Variants in MAP10 observed in about 807,000 individuals in gnomAD.
The protein encoded by MAP10 is microtubule associated protein 10.
MAP10 carries 10 observed loss-of-function variants against 6.3 expected under a neutral mutation model. The observed-to-expected ratio is 1.58, with a 90% CI of 0.98 to 2.69. MAP10 has a LOEUF of 2.69. Among genes scored for constraint, MAP10 ranks in the 30% most tolerant of loss-of-function variants. The pLI, the probability that MAP10 is intolerant of heterozygous loss-of-function variation, is 0.00. For missense variants in MAP10, 1,189 were observed against 1,086.5 expected (o/e 1.09, Z -1.33); for synonymous variants, 459 against 429.3 (o/e 1.07, Z -0.86).
chr1:232,805,781 C>G lies in MAP10; in HGVS notation c.332C>G (p.Thr111Ser), dbSNP rs754289516. The change falls in exon 1 of 1, where the codon ACC (threonine) becomes AGC (serine). Residue 111 changes from threonine (T) to serine (S), a missense_variant. By Grantham distance (58) the Thr-to-Ser change is moderately conservative. Coordinates refer to ENST00000418460, the MANE Select transcript of MAP10 (RefSeq NM_019090.3). ...PATLHCRLLR[T>S]PLATLLLQLP... ...ACCCTGCACTGCCGGCTCCTGCGGA[C>G]CCCGCTTGCCACCTTGCTGCTGCAG... 1 of 1,598,906 alleles carries G rather than the reference C, an allele frequency of 6.3e-7. No individual in the cohort carries two copies. The highest frequency in any genetic ancestry group is 8.5e-7 in the Non-Finnish European group (1 of 1,173,586).
the MAP10 span, chr1:232,806,026 G>T: frequency 3.7e-6 from 6 of 1,613,804 alleles, no homozygotes; most frequent in African/African-American, 1.3e-5. Flanking sequence ...GAGCCAACTT[G>T]AGCGGCCCCT....
chr1:232,806,954 C>T lies in MAP10; in HGVS notation c.1505C>T (p.Thr502Ile), dbSNP rs778862825. The T allele has an allele frequency of 2.5e-6, 4 of 1,612,212 alleles. No individual in the cohort carries two copies. The highest frequency in any genetic ancestry group is 3.4e-6 in the Non-Finnish European group (4 of 1,179,502). The change falls in exon 1 of 1, where the codon ACA becomes ATA. Residue 502 changes from threonine (T) to isoleucine (I), a missense_variant. Transcript: ENST00000418460. Reference sequence around the variant, plus strand: ...AGGCTACTTTATGGCTTAACAAATACACTAAGACTACGTTTAAAGCTGACA... The same window carrying T: ...AGGCTACTTTATGGCTTAACAAATATACTAAGACTACGTTTAAAGCTGACA... ...KGRLLYGLTN[T>I]LRLRLKLTNP...
Position 232,808,030 on chromosome 1 carries a change from G to C in MAP10, c.2581G>C (p.Glu861Gln). 6.2e-7 allele frequency: 1 copy of C among 1,613,294 alleles called. No homozygotes were observed. Among genetic ancestry groups the C allele is most frequent in the South Asian group, 1.1e-5 (1 of 90,996 alleles). Residue 861 changes from glutamate to glutamine, a missense_variant, in exon 1 of 1, where the codon GAA (glutamate) becomes CAA (glutamine). Glu to Gln is a conservative substitution (Grantham distance 29). Coordinates refer to ENST00000418460, the MANE Select transcript of MAP10 (RefSeq NM_019090.3). ...VSSYLPSNVS[E>Q]LNVLDSSTSD... The stretch of plus-strand genomic sequence containing the variant: ...TTCTTACCTGCCTTCAAATGTGTCC[G>C]AACTTAATGTCCTGGATAGCAGTAC...
At position 232,806,253 on chromosome 1, in the gene MAP10, T is replaced by C; in HGVS notation, c.804T>C (p.Asn268=). The C allele has an allele frequency of 6.2e-7, 1 of 1,613,940 alleles. No homozygotes were observed. The highest frequency in any genetic ancestry group is 8.5e-7 in the Non-Finnish European group (1 of 1,179,882). The change falls in exon 1 of 1, where the codon AAT becomes AAC. Residue 268 remains asparagine, a synonymous_variant. Coordinates refer to ENST00000418460, the MANE Select transcript of MAP10 (RefSeq NM_019090.3). The part of the protein sequence containing the change: ...NVGSVENGKT[N]SVVTCSGAGN... ...GTTCTGTGGAGAATGGCAAAACCAATTCTGTTGTTACATGTTCAGGTGCTG... is the reference window on the plus strand; with the variant it reads ...GTTCTGTGGAGAATGGCAAAACCAACTCTGTTGTTACATGTTCAGGTGCTG...
chr1:232,807,809 G>C lies in MAP10; in HGVS notation c.2360G>C (p.Ser787Thr). Residue 787 changes from serine (S) to threonine (T), a missense_variant, in exon 1 of 1, where the codon AGT (serine) becomes ACT (threonine). Ser to Thr is a moderately conservative substitution (Grantham distance 58). Coordinates refer to ENST00000418460, the MANE Select transcript of MAP10 (RefSeq NM_019090.3). ...CATATTTCAAAGACTCAGGATAAAA[G>C]TTTGGAGGAAGCATCTAGTATCTCT... ...KFHISKTQDK[S>T]LEEASSISAS... The C allele has an allele frequency of 6.2e-7, 1 of 1,613,464 alleles. No individual in the cohort carries two copies. Among genetic ancestry groups the C allele is most frequent in the Non-Finnish European group, 8.5e-7 (1 of 1,179,740 alleles).
rs894418958 is a variant in MAP10 at position 232,806,729 on chromosome 1, A to G, written c.1280A>G (p.Tyr427Cys). 8.7e-6 allele frequency: 14 copies of G among 1,613,772 alleles called. No homozygotes were observed. The highest frequency in any genetic ancestry group is 1.7e-5 in the Admixed American group (1 of 60,010). Residue 427 changes from tyrosine to cysteine, a missense_variant, in exon 1 of 1, where the codon TAT becomes TGT. By Grantham distance (194) the Tyr-to-Cys change is radical. Transcript: ENST00000418460. ...AHIHPHLAWL[Y>C]RTEDKKSPES... ...ATACATCCTCACCTAGCCTGGTTAT[A>G]TAGGACTGAGGATAAGAAGTCACCC... is the stretch of plus-strand genomic sequence containing the variant.
At position 232,808,477 on chromosome 1, in the gene MAP10, AAAG is replaced by A. The variant is rs1214293145; in HGVS notation, c.*314_*316del. Reference sequence around the variant, plus strand: ...AGCTGACTTCATGCACACCACTGAAAAAGAAGGCTAGTTAGTAAGGACAGCCTC... The same window carrying A: ...AGCTGACTTCATGCACACCACTGAAAAAGGCTAGTTAGTAAGGACAGCCTC... On this transcript the variant is annotated 3_prime_UTR_variant, in exon 1 of 1. Coordinates refer to ENST00000418460, the MANE Select transcript of MAP10 (RefSeq NM_019090.3). 5.3e-6 allele frequency: 1 copy of A among 187,626 alleles called. No homozygotes were observed. The highest frequency in any genetic ancestry group is 1.1e-5 in the Non-Finnish European group (1 of 89,694). The allele number at this position is 187,626 out of a possible 1,614,324, so 11.6% of individuals were successfully genotyped here. A position where few individuals can be genotyped will look rare whatever the true frequency, so the allele number is the denominator to read the frequency against.
rs751312815 is a variant in MAP10 at position 232,807,205 on chromosome 1, C to G, written c.1756C>G (p.Pro586Ala). Residue 586 changes from proline (P) to alanine (A), a missense_variant, in exon 1 of 1, where the codon CCC (proline) becomes GCC (alanine). Pro to Ala is a conservative substitution (Grantham distance 27). Coordinates refer to ENST00000418460, the MANE Select transcript of MAP10 (RefSeq NM_019090.3). ...SRQISGVFDE[P>A]STSKETKLKY... is the part of the protein sequence containing the mutation. The stretch of plus-strand genomic sequence containing the variant: ...ACAAATCAGTGGAGTTTTTGATGAG[C>G]CCAGCACAAGTAAAGAAACTAAACT... The G allele has an allele frequency of 6.2e-7, 1 of 1,613,402 alleles. No individual in the cohort carries two copies. Among genetic ancestry groups the G allele is most frequent in the Admixed American group, 1.7e-5 (1 of 59,960 alleles).
chr1:232,805,668 C>T lies in MAP10; in HGVS notation c.219C>T (p.Asp73=). 2 of 1,598,028 alleles carry T rather than the reference C, an allele frequency of 1.3e-6. No individual in the cohort carries two copies. Among genetic ancestry groups the T allele is most frequent in the Non-Finnish European group, 8.5e-7 (1 of 1,176,134 alleles). The change falls in exon 1 of 1, where the codon GAC becomes GAT. Residue 73 remains aspartate, a synonymous_variant. Coordinates refer to ENST00000418460, the MANE Select transcript of MAP10 (RefSeq NM_019090.3). The part of the protein sequence containing the change: ...DFPTLLVYPP[D]GPGAPAAEPW... ...CCACGCTGTTGGTTTACCCTCCTGA[C>T]GGCCCCGGCGCTCCCGCCGCCGAAC...
chr1:232,807,865 G>A lies in MAP10; in HGVS notation c.2416G>A (p.Glu806Lys), dbSNP rs1448176889. ...TGATTTATCTTCAACACATTGGACT[G>A]AACAAAAAGAAAACCAGATAGATCA... is the stretch of plus-strand genomic sequence containing the variant. ...ASDLSSTHWT[E>K]QKENQIDQNS... Residue 806 changes from glutamate (E) to lysine (K), a missense_variant, in exon 1 of 1, where the codon GAA (glutamate) becomes AAA (lysine). Transcript: ENST00000418460. 1 of 1,613,300 alleles carries A rather than the reference G, an allele frequency of 6.2e-7. No individual in the cohort carries two copies. Among genetic ancestry groups the A allele is most frequent in the Non-Finnish European group, 8.5e-7 (1 of 1,179,710 alleles).
In MAP10 at chr1:232,808,234, G is replaced by A; in HGVS notation, c.*67G>A. On this transcript the variant is annotated 3_prime_UTR_variant, in exon 1 of 1. Transcript: ENST00000418460. Reference sequence around the variant, plus strand: ...TGTTAGTGAAAAAAATTTTAAAGCTGTTTTAGTTCATGAATTATGTGAATA... The same window carrying A: ...TGTTAGTGAAAAAAATTTTAAAGCTATTTTAGTTCATGAATTATGTGAATA... 1.0e-6 allele frequency: 1 copy of A among 961,720 alleles called. No individual in the cohort carries two copies. Among genetic ancestry groups the A allele is most frequent in the South Asian group, 3.1e-5 (1 of 32,074 alleles). 59.6% of individuals were successfully genotyped at this position (961,720 alleles called of 1,614,324 possible). A position where few individuals can be genotyped will look rare whatever the true frequency, so the allele number is the denominator to read the frequency against.
In MAP10 at chr1:232,806,833, A is replaced by G. The variant is rs1238249957; in HGVS notation, c.1384A>G (p.Ser462Gly). The change falls in exon 1 of 1, where the codon AGT (serine) becomes GGT (glycine). Residue 462 changes from serine (S) to glycine (G), a missense_variant. Ser to Gly is a moderately conservative substitution (Grantham distance 56, BLOSUM62 0). Coordinates refer to ENST00000418460, the MANE Select transcript of MAP10 (RefSeq NM_019090.3). ...RSVGGCEKSV[S>G]LQYKKNQIEN... is the part of the protein sequence containing the mutation. ...TGTGGGGGGATGTGAAAAGTCAGTG[A>G]GTCTTCAGTATAAAAAGAACCAAAT... 6.2e-7 allele frequency: 1 copy of G among 1,613,336 alleles called. No individual in the cohort carries two copies. The highest frequency in any genetic ancestry group is 8.5e-7 in the Non-Finnish European group (1 of 1,179,702).
chr1:232,806,098 C>T, the MAP10 span: 2 of 1,613,960 alleles, frequency 1.2e-6, no homozygotes, highest in Non-Finnish European at 1.7e-6. Context: ...GGAAAGACAG[C>T]AGCTGCAGCA....
rs754174119 is a variant in MAP10 at position 232,807,858 on chromosome 1, T to C, written c.2409T>C (p.His803=). The change falls in exon 1 of 1, where the codon CAT becomes CAC. Residue 803 remains histidine (H), a synonymous_variant. Coordinates refer to ENST00000418460, the MANE Select transcript of MAP10 (RefSeq NM_019090.3). ...CTGCTAGTGATTTATCTTCAACACA[T>C]TGGACTGAACAAAAAGAAAACCAGA... ...SISASDLSST[H]WTEQKENQID... is the part of the protein sequence containing the mutation. The C allele has an allele frequency of 2.5e-6, 4 of 1,613,404 alleles. No individual in the cohort carries two copies.
In MAP10 at chr1:232,808,188, C is replaced by T; in HGVS notation, c.*21C>T. 1 of 1,491,600 alleles carries T rather than the reference C, an allele frequency of 6.7e-7. No homozygotes were observed. The highest frequency in any genetic ancestry group is 9.0e-7 in the Non-Finnish European group (1 of 1,113,022). The allele number at this position is 1,491,600 out of a possible 1,614,324, so 92.4% of individuals were successfully genotyped here. ...TGTAAAAATACATGCTTTTAAAAAACTTTCAAGGACCTATGTGTACTGTTA... is the reference window on the plus strand; with the variant it reads ...TGTAAAAATACATGCTTTTAAAAAATTTTCAAGGACCTATGTGTACTGTTA... On this transcript the variant is annotated 3_prime_UTR_variant, in exon 1 of 1. Transcript: ENST00000418460.
chr1:232,807,165 T>C lies in MAP10; in HGVS notation c.1716T>C (p.Asn572=), dbSNP rs759974386. 1.2e-6 allele frequency: 2 copies of C among 1,613,008 alleles called. No homozygotes were observed. The highest frequency in any genetic ancestry group is 1.7e-6 in the Non-Finnish European group (2 of 1,179,326). ...ATTCAGATGCATCTTTCACTGAAAA[T>C]AGTGATACCTCAAGACAAATCAGTG... ...YLDSDASFTE[N]SDTSRQISGV... The change falls in exon 1 of 1, where the codon AAT becomes AAC. Residue 572 remains asparagine (N), a synonymous_variant. Transcript: ENST00000418460.
At position 232,808,026 on chromosome 1, in the gene MAP10, G is replaced by T; in HGVS notation, c.2577G>T (p.Val859=). The T allele has an allele frequency of 6.2e-7, 1 of 1,613,398 alleles. No individual in the cohort carries two copies. The highest frequency in any genetic ancestry group is 1.1e-5 in the South Asian group (1 of 91,006). ...TGAGTTCTTACCTGCCTTCAAATGT[G>T]TCCGAACTTAATGTCCTGGATAGCA... ...SQVSSYLPSN[V]SELNVLDSST... is the part of the protein sequence containing the mutation. Residue 859 remains valine (V), a synonymous_variant, in exon 1 of 1, where the codon GTG becomes GTT. Coordinates refer to ENST00000418460, the MANE Select transcript of MAP10 (RefSeq NM_019090.3).
At position 232,807,382 on chromosome 1, in the gene MAP10, C is replaced by G; in HGVS notation, c.1933C>G (p.Gln645Glu). The G allele has an allele frequency of 1.9e-6, 3 of 1,613,786 alleles. No homozygotes were observed. The highest frequency in any genetic ancestry group is 2.5e-6 in the Non-Finnish European group (3 of 1,179,826). Residue 645 changes from glutamine to glutamate, a missense_variant, in exon 1 of 1, where the codon CAA becomes GAA. Transcript: ENST00000418460. Reference sequence around the variant, plus strand: ...GGGAGGAAATGTGGAAATGAAAATCCAAAGTCCATGTGTTTTCCAACAGGA... The same window carrying G: ...GGGAGGAAATGTGGAAATGAAAATCGAAAGTCCATGTGTTTTCCAACAGGA... ...ILGGNVEMKI[Q>E]SPCVFQQDAV... is the part of the protein sequence containing the mutation.
rs1228810684 is a variant in MAP10 at position 232,808,347 on chromosome 1, CAT to C, written c.*184_*185del. On this transcript the variant is annotated 3_prime_UTR_variant, in exon 1 of 1. Coordinates refer to ENST00000418460, the MANE Select transcript of MAP10 (RefSeq NM_019090.3). ...AATCTGATAATATTGATTATTAAAT[CAT>C]ATAAACAGATTTCTTTTTAAATTGT... 4.3e-6 allele frequency: 2 copies of C among 468,052 alleles called. No individual in the cohort carries two copies. The highest frequency in any genetic ancestry group is 5.3e-5 in the South Asian group (1 of 18,700). 29.0% of individuals were successfully genotyped at this position (468,052 alleles called of 1,614,324 possible). A position where few individuals can be genotyped will look rare whatever the true frequency, so the allele number is the denominator to read the frequency against.
Sources: gnomAD v4.1 joint callset for allele counts on GRCh38, gnomAD v4.1.1 for gene constraint, MANE v1.5 for transcripts, NCBI Gene and HGNC (gene_info 2026-07-23, HGNC 2026-07-21) for gene names.